The following RAPGEF6 variants were observed in gnomAD, a reference collection of about 807,000 sequenced individuals.
RAPGEF6 encodes PDZ domain containing guanine nucleotide exchange factor (GEF) 2.
Under a neutral mutation model 171.4 loss-of-function variants are expected in RAPGEF6, and 56 were observed. The observed-to-expected ratio is 0.33, with a 90% CI of 0.26 to 0.41. The LOEUF (loss-of-function observed/expected upper bound fraction) is 0.41, where lower values mean the gene tolerates loss of function less well. RAPGEF6 is among the 10% of genes least tolerant of loss of function. RAPGEF6 has a pLI of 1.00. For missense variants in RAPGEF6, 1,674 were observed against 1,921.4 expected, an observed-to-expected ratio of 0.87 and a Z score of 2.41; for synonymous variants, 692 against 650.1, an observed-to-expected ratio of 1.06 and a Z score of -0.98.
intron 22 of RAPGEF6, among the ~76,000 whole-genome samples, chr5:131,446,171 C>T (rs1256663838): frequency 1.3e-5 from 2 of 152,118 alleles, no homozygotes; most frequent in Non-Finnish European, 2.9e-5. Context: ...AAAAATTCCA[C>T]TTATGTTTAC....
chr5:131,528,273 TATTA>T (rs1434744870), intron 6 of RAPGEF6, among the ~76,000 whole-genome samples: 1 of 125,638 alleles, frequency 8.0e-6, no homozygotes, highest in Non-Finnish European at 1.6e-5. Flanking sequence ...AATATATTTA[TATTA>T]TATATATATA....
At chr5:131,608,278 G>C (rs1053055927) in intron 1 of RAPGEF6, among the ~76,000 whole-genome samples, 2 of 152,102 alleles carry the variant, frequency 1.3e-5, no homozygotes, top group African/African-American at 4.8e-5. Flanking sequence ...GTTAACCCTG[G>C]ATAAGAATGT....
chr5:131,531,148 C>T (rs76077248), intron 6 of RAPGEF6, among the ~76,000 whole-genome samples: 3,470 of 152,260 alleles, frequency 0.023, 148 homozygotes, highest in African/African-American at 0.079. Flanking sequence ...AAAAACACCA[C>T]GATGCTATCA....
chr5:131,473,582 G>C (rs1448569679), intron 16 of RAPGEF6, among the ~76,000 whole-genome samples: 12 of 152,054 alleles, frequency 7.9e-5, no homozygotes, highest in Admixed American at 2.6e-4. Flanking sequence ...CTACTTCTAA[G>C]GGTTGTACTT....
chr5:131,554,393 G>A (rs1187219850), intron 5 of RAPGEF6, among the ~76,000 whole-genome samples: 1 of 152,138 alleles, frequency 6.6e-6, no homozygotes, highest in Non-Finnish European at 1.5e-5. Context: ...TAAATACGTG[G>A]TTAAATAGGA....
intron 21 of RAPGEF6, among the ~76,000 whole-genome samples, chr5:131,448,852 T>A (rs1159823052): frequency 6.6e-6 from 1 of 152,140 alleles, no homozygotes; most frequent in Non-Finnish European, 1.5e-5. Flanking sequence ...TTTATAATAG[T>A]AATGCCAGGT....
intron 1 of RAPGEF6, among the ~76,000 whole-genome samples, chr5:131,606,734 T>C (rs998466210): frequency 2.0e-5 from 3 of 152,100 alleles, no homozygotes; most frequent in African/African-American, 4.8e-5. Flanking sequence ...AAGAATACGA[T>C]AGAAGTGAGG....
chr5:131,629,034 T>C (rs1216217590), intron 1 of RAPGEF6, among the ~76,000 whole-genome samples: 4 of 152,176 alleles, frequency 2.6e-5, no homozygotes, highest in African/African-American at 9.7e-5. Context: ...CTGTGGCCCA[T>C]GGATCAAGGA....
intron 1 of RAPGEF6, among the ~76,000 whole-genome samples, chr5:131,627,601 A>G (rs1766017124): frequency 6.6e-6 from 1 of 152,236 alleles, no homozygotes. Flanking sequence ...TTGAGCTGAG[A>G]AACAGCCAAG....
At chr5:131,573,805 C>G (rs1196310067) in intron 4 of RAPGEF6, among the ~76,000 whole-genome samples, 1 of 152,146 alleles carries the variant, frequency 6.6e-6, no homozygotes, top group Admixed American at 6.5e-5. Context: ...TAGCAGCTAC[C>G]CTTAGACACT....
At chr5:131,445,566 CGT>C (rs1752637387) in intron 22 of RAPGEF6, among the ~76,000 whole-genome samples, 1 of 147,428 alleles carries the variant, frequency 6.8e-6, no homozygotes, top group Non-Finnish European at 1.5e-5. Context: ...TAACCCACTG[CGT>C]GTGTCTGTGT....
rs1760666763 is a variant in RAPGEF6, at chr5:131,548,056, G to A, written c.486C>T (p.Ser162=). The part of the protein sequence containing the change: ...QTITDDVEVN[S]YLSLPADLTK... ...TCCTAAATATACTCACAGAAAGATAGCTGTTAACCTCCACATCATCAGTAA... is the reference window on the plus strand; with the variant it reads ...TCCTAAATATACTCACAGAAAGATAACTGTTAACCTCCACATCATCAGTAA... Residue 162 remains serine, a synonymous_variant, in exon 6 of 28, where the codon AGC becomes AGT. Coordinates refer to ENST00000509018, the MANE Select transcript of RAPGEF6 (RefSeq NM_016340.6). 3 of 1,613,388 alleles carry A rather than the reference G, an allele frequency of 1.9e-6. No individual in the cohort carries two copies. The East Asian group carries it at 6.7e-5, about 36-fold the overall frequency.
At chr5:131,592,548 G>C in intron 3 of RAPGEF6, 82 bp from the exon 4 acceptor site, 1 of 1,509,688 alleles carries the variant, frequency 6.6e-7, no homozygotes, top group South Asian at 1.3e-5. Context: ...AATATATTCT[G>C]ATAATAGTAC....
At chr5:131,591,399 G>T (rs1037078553) in intron 4 of RAPGEF6, among the ~76,000 whole-genome samples, 1 of 152,120 alleles carries the variant, frequency 6.6e-6, no homozygotes, top group Non-Finnish European at 1.5e-5. Context: ...ACTTCTAACA[G>T]CCAGGCACTG....
chr5:131,628,492 G>A (rs767529105), intron 1 of RAPGEF6, among the ~76,000 whole-genome samples: 21 of 151,926 alleles, frequency 1.4e-4, no homozygotes, highest in Non-Finnish European at 2.1e-4. Context: ...TGAAGTTTAC[G>A]AAAAAAAGCC....
intron 9 of RAPGEF6, among the ~76,000 whole-genome samples, chr5:131,506,876 T>C (rs971272678): frequency 3.3e-5 from 5 of 151,832 alleles, no homozygotes; most frequent in Admixed American, 6.6e-5. Context: ...TTTTATATTA[T>C]TGAAATATTT....
At chr5:131,531,931 C>G (rs922930519) in intron 6 of RAPGEF6, among the ~76,000 whole-genome samples, 5 of 145,322 alleles carry the variant, frequency 3.4e-5, no homozygotes, top group Admixed American at 7.2e-5. Context: ...TTAGAGGTCA[C>G]GTTAGAATGT....
intron 21 of RAPGEF6, among the ~76,000 whole-genome samples, chr5:131,450,236 A>G (rs1350103296): frequency 6.6e-6 from 1 of 152,232 alleles, no homozygotes; most frequent in Non-Finnish European, 1.5e-5. Context: ...TATATACTGA[A>G]GGTCAAAAAA....
Position 131,446,616 on chromosome 5 carries a change from A to G in RAPGEF6, c.3288T>C (p.Leu1096=). 1 of 1,614,236 alleles carries G rather than the reference A, an allele frequency of 6.2e-7. No individual in the cohort carries two copies. The highest frequency in any genetic ancestry group is 8.5e-7 in the Non-Finnish European group (1 of 1,180,028). ...CATCCTCATATAGCTTCTTGGCATTAAGCAGAGAGCTGCGGCGTGCCCTTT... is the reference window on the plus strand; with the variant it reads ...CATCCTCATATAGCTTCTTGGCATTGAGCAGAGAGCTGCGGCGTGCCCTTT... The part of the protein sequence containing the change: ...HKKRARRSSL[L]NAKKLYEDAQ... The change falls in exon 22 of 28, where the codon CTT becomes CTC. Residue 1096 remains leucine, a synonymous_variant. Transcript: ENST00000509018.
Sources: allele counts gnomAD v4.1 joint callset (sites outside exome capture counted in the v4.1 genomes callset), GRCh38; gene constraint gnomAD v4.1.1; transcripts MANE v1.5; gene names NCBI Gene and HGNC (gene_info 2026-07-23, HGNC 2026-07-21).